KALRN: variants seen among roughly 807,000 people sequenced by gnomAD.
KALRN encodes kalirin RhoGEF kinase.
KALRN carries 70 observed loss-of-function variants against 353.7 expected under a neutral mutation model. The observed-to-expected ratio is 0.20, with a 90% CI of 0.16 to 0.24. The LOEUF (loss-of-function observed/expected upper bound fraction) is 0.24. Ranked by LOEUF, KALRN falls within the 10% of genes least tolerant of loss-of-function variation. The pLI is 1.00. For synonymous variants in KALRN, 1,391 were observed against 1,434.8 expected (o/e 0.97, Z 0.69); for missense variants, 2,791 against 3,756.7 (o/e 0.74, Z 6.72).
At chr3:124,431,004 G>A (rs1247484358) in intron 16 of KALRN, among the ~76,000 whole-genome samples, 1 of 152,190 alleles carries the variant, frequency 6.6e-6, no homozygotes, top group Non-Finnish European at 1.5e-5. Context: ...CACTTCATAT[G>A]AGAATCTTTG....
chr3:124,324,191 G>A (rs770946323), intron 6 of KALRN, among the ~76,000 whole-genome samples: 1 of 152,170 alleles, frequency 6.6e-6, no homozygotes, highest in Non-Finnish European at 1.5e-5. Context: ...CTTTCACTAT[G>A]CTTCCTGGGA....
chr3:124,587,870 T>C (rs1170811200), intron 34 of KALRN, among the ~76,000 whole-genome samples: 2 of 147,792 alleles, frequency 1.4e-5, no homozygotes, highest in East Asian at 3.9e-4. Context: ...AATATTTTTA[T>C]TTTTTGTAGA....
At chr3:124,372,709 G>A (rs2086015101) in intron 10 of KALRN, among the ~76,000 whole-genome samples, 1 of 152,050 alleles carries the variant, frequency 6.6e-6, no homozygotes. Context: ...TCACAGTGTA[G>A]TGAACTATTC....
At position 124,433,406 on chromosome 3, in the gene KALRN, C is replaced by G. The variant is rs992084585; in HGVS notation, c.2830-901C>G. Among the ~76,000 whole-genome samples the G allele has an allele frequency of 4.6e-5, 7 of 151,386 alleles. No individual in the cohort carries two copies. The East Asian group carries it at 1.4e-3, about 29-fold the overall frequency. ...GGAGTTTGAGACCAGCCTGGGCAGA[C>G]AGCAAGATCCCATTTCTACAAAAAG... On this transcript the variant is annotated intron_variant, in intron 16 of 59. Coordinates refer to ENST00000682506, the MANE Select transcript of KALRN (RefSeq NM_001388419.1).
Position 124,358,863 on chromosome 3 carries a change from T to C in KALRN, c.1770+11598T>C, listed in dbSNP as rs181364226. Among the ~76,000 whole-genome samples, 7 of 152,296 alleles carry C rather than the reference T, an allele frequency of 4.6e-5. No individual in the cohort carries two copies. The East Asian group carries it at 1.3e-3, about 29-fold the overall frequency. On this transcript the variant is annotated intron_variant, in intron 10 of 59. Transcript: ENST00000682506. ...CATATTCAAGCCCTAGTAGTCTAGC[T>C]CCAGAGTCCAGGCTGTCAACCACCC...
intron 1 of KALRN, among the ~76,000 whole-genome samples, chr3:124,059,301 A>G (rs1425718601): frequency 2.0e-5 from 3 of 152,328 alleles, no homozygotes; most frequent in East Asian, 1.9e-4. Flanking sequence ...TGACAATTGT[A>G]TGTATTTATG....
chr3:124,111,921 C>A (rs998008732), intron 1 of KALRN, among the ~76,000 whole-genome samples: 3 of 152,110 alleles, frequency 2.0e-5, no homozygotes, highest in Admixed American at 1.3e-4. Flanking sequence ...AGATCTGATG[C>A]AGTCATGATT....
intron 33 of KALRN, among the ~76,000 whole-genome samples, chr3:124,542,682 T>C (rs1233720482): frequency 6.6e-6 from 1 of 152,158 alleles, no homozygotes; most frequent in Non-Finnish European, 1.5e-5. Flanking sequence ...AGCATTGGCA[T>C]TCCTTTGAGT....
intron 33 of KALRN, among the ~76,000 whole-genome samples, chr3:124,500,218 C>A (rs935075703): frequency 3.9e-5 from 6 of 152,140 alleles, no homozygotes; most frequent in African/African-American, 1.2e-4. Context: ...GAGTGTAGGA[C>A]TACTTTATGT....
chr3:124,379,887 A>G lies in KALRN; in HGVS notation c.1771-4958A>G, dbSNP rs899296460. ...GTTATCTTGATTGCTGCCCTCCCCA[A>G]TGCCTATGCTTTTGTGTCTCCTTTG... On this transcript the variant is annotated intron_variant, in intron 10 of 59. Transcript: ENST00000682506. 5.3e-5 allele frequency among the ~76,000 whole-genome samples: 8 copies of G among 152,094 alleles called. No individual in the cohort carries two copies. In the East Asian group the frequency reaches 5.8e-4, roughly 11 times the overall value.
At chr3:124,383,235 C>T (rs529606158) in intron 10 of KALRN, among the ~76,000 whole-genome samples, 59 of 152,296 alleles carry the variant, frequency 3.9e-4, no homozygotes, top group Admixed American at 2.4e-3. Flanking sequence ...TTCCCCAGGT[C>T]CTATGCCAGT....
chr3:124,160,785 G>T (rs1045713691), intron 1 of KALRN, among the ~76,000 whole-genome samples: 18 of 152,300 alleles, frequency 1.2e-4, no homozygotes, highest in African/African-American at 4.1e-4. Flanking sequence ...TCAGTGCCCT[G>T]TCTGAGCAAG....
chr3:124,435,377 A>G (rs955120394), intron 17 of KALRN, among the ~76,000 whole-genome samples: 4 of 152,238 alleles, frequency 2.6e-5, no homozygotes, highest in African/African-American at 9.6e-5. Flanking sequence ...GCTGGACAGT[A>G]GGGCCATAAC....
At chr3:124,182,419 G>C (rs2073725071) in intron 1 of KALRN, among the ~76,000 whole-genome samples, 1 of 152,188 alleles carries the variant, frequency 6.6e-6, no homozygotes. Flanking sequence ...TTTTGGGGCT[G>C]AGGGTCTCAG....
At chr3:124,516,624 G>A (rs1236236855) in intron 33 of KALRN, among the ~76,000 whole-genome samples, 2 of 138,550 alleles carry the variant, frequency 1.4e-5, no homozygotes, top group African/African-American at 5.4e-5. Flanking sequence ...TGTAGGCCTT[G>A]TAGCACATCT....
intron 5 of KALRN, among the ~76,000 whole-genome samples, chr3:124,286,974 A>G (rs7628367): frequency 0.18 from 27,876 of 152,186 alleles, 2,649 homozygotes; most frequent in South Asian, 0.29. Context: ...GTCTTATTCA[A>G]GAATACAATT....
At chr3:124,606,172 A>T (rs2077328945) in intron 34 of KALRN, among the ~76,000 whole-genome samples, 1 of 152,230 alleles carries the variant, frequency 6.6e-6, no homozygotes, top group Non-Finnish European at 1.5e-5. Context: ...GAAAACACAG[A>T]GAGAAATAAA....
At chr3:124,258,374 A>G (rs1428855568) in intron 3 of KALRN, among the ~76,000 whole-genome samples, 1 of 152,208 alleles carries the variant, frequency 6.6e-6, no homozygotes, top group Non-Finnish European at 1.5e-5. Context: ...GTGAATGACC[A>G]GTCTCTCTGC....
At chr3:124,587,106 GCTGT>G (rs1330311974) in intron 34 of KALRN, among the ~76,000 whole-genome samples, 2 of 152,228 alleles carry the variant, frequency 1.3e-5, no homozygotes, top group Non-Finnish European at 2.9e-5. Context: ...GAGTCTTGAG[GCTGT>G]CTCTCAAGTG....
Sources: gnomAD v4.1 joint callset for allele counts (sites outside exome capture counted in the v4.1 genomes callset) on GRCh38, gnomAD v4.1.1 for gene constraint, MANE v1.5 for transcripts, NCBI Gene and HGNC (gene_info 2026-07-23, HGNC 2026-07-21) for gene names.